Variants in MLLT3 observed in about 807,000 individuals in gnomAD.
MLLT3 encodes MLLT3 super elongation complex subunit, also known as protein AF-9.
MLLT3 carries 4 observed loss-of-function variants against 53.2 expected under a neutral mutation model. The observed-to-expected ratio is 0.08, with a 90% confidence interval of 0.04 to 0.17. The LOEUF is 0.17. MLLT3 is among the 10% of genes least tolerant of loss of function. The pLI, the probability that MLLT3 is intolerant of heterozygous loss-of-function variation, is 1.00. For synonymous variants in MLLT3, 283 were observed against 230.6 expected, an observed-to-expected ratio of 1.23 and a Z score of -2.06; for missense variants, 569 against 684.0, an observed-to-expected ratio of 0.83 and a Z score of 1.87.
chr9:20,600,156 CACTT>C, intron 2 of MLLT3, among the ~76,000 whole-genome samples: 1 of 113,072 alleles, frequency 8.8e-6, no homozygotes, highest in Non-Finnish European at 1.9e-5. Flanking sequence ...AAAAAAAAAA[CACTT>C]AGTTCAAATT....
chr9:20,449,717 A>G (rs1277607199), intron 3 of MLLT3, among the ~76,000 whole-genome samples: 1 of 152,054 alleles, frequency 6.6e-6, no homozygotes, highest in African/African-American at 2.4e-5. Context: ...ATCTCCACTC[A>G]TTTCCTCAGT....
At chr9:20,346,956 G>A (rs945627925) in intron 10 of MLLT3, among the ~76,000 whole-genome samples, 6 of 149,670 alleles carry the variant, frequency 4.0e-5, no homozygotes, top group African/African-American at 9.8e-5. Flanking sequence ...AAATCCAGCC[G>A]AGAAATAACA....
In MLLT3 at chr9:20,414,360, G is replaced by A. The variant is rs765904129; in HGVS notation, c.486C>T (p.Ser162=). 1.2e-6 allele frequency: 2 copies of A among 1,604,450 alleles called. No homozygotes were observed. The highest frequency in any genetic ancestry group is 1.1e-5 in the South Asian group (1 of 90,576). ...TGCTGCTGCTACTGCTGCTGCTGCTGCTGCTGCTGCTGCTGCTACTGCTGC... is the reference window on the plus strand; with the variant it reads ...TGCTGCTGCTACTGCTGCTGCTGCTACTGCTGCTGCTGCTGCTACTGCTGC... ...SSSSSSSSSS[S]SSSSSSSSSS... Residue 162 remains serine, a synonymous_variant, in exon 5 of 11, where the codon AGC becomes AGT. Transcript: ENST00000380338.
At chr9:20,375,441 A>G (rs1235165353) in intron 5 of MLLT3, among the ~76,000 whole-genome samples, 1 of 152,156 alleles carries the variant, frequency 6.6e-6, no homozygotes, top group Admixed American at 6.5e-5. Flanking sequence ...TTTGTCCCCA[A>G]GGTACATCTT....
intron 2 of MLLT3, among the ~76,000 whole-genome samples, chr9:20,480,345 C>T (rs968971769): frequency 1.3e-5 from 2 of 152,138 alleles, no homozygotes; most frequent in Non-Finnish European, 2.9e-5. Flanking sequence ...TCATGGGCCC[C>T]AAGGCTTCCA....
chr9:20,604,473 T>C (rs945766039), intron 2 of MLLT3, among the ~76,000 whole-genome samples: 5 of 152,064 alleles, frequency 3.3e-5, no homozygotes, highest in African/African-American at 9.7e-5. Context: ...AGCAAAAATG[T>C]TGAGATTTGT....
intron 2 of MLLT3, among the ~76,000 whole-genome samples, chr9:20,510,608 T>A (rs1825510002): frequency 1.6e-5 from 1 of 61,710 alleles, no homozygotes; most frequent in Non-Finnish European, 2.9e-5. Flanking sequence ...CAAGACTCCA[T>A]CTCAGAAAAA....
intron 7 of MLLT3, among the ~76,000 whole-genome samples, chr9:20,362,449 TCC>T (rs773040032): frequency 4.9e-4 from 75 of 152,322 alleles, no homozygotes; most frequent in Non-Finnish European, 9.7e-4. Context: ...CCTATCAGTT[TCC>T]TTTTTATCAG....
chr9:20,422,213 C>T (rs1473739404), intron 4 of MLLT3, among the ~76,000 whole-genome samples: 1 of 152,132 alleles, frequency 6.6e-6, no homozygotes, highest in African/African-American at 2.4e-5. Flanking sequence ...AATATTTATA[C>T]ACACTCAAGA....
intron 2 of MLLT3, among the ~76,000 whole-genome samples, chr9:20,481,233 G>C (rs1000167413): frequency 4.6e-5 from 7 of 152,102 alleles, no homozygotes; most frequent in African/African-American, 1.7e-4. Flanking sequence ...TCCTAATGAT[G>C]GACTCACATA....
intron 5 of MLLT3, among the ~76,000 whole-genome samples, chr9:20,387,804 A>G (rs1428668069): frequency 6.6e-6 from 1 of 152,244 alleles, no homozygotes; most frequent in Non-Finnish European, 1.5e-5. Context: ...TTCTCAAGCC[A>G]CCACAGGAAG....
intron 5 of MLLT3, among the ~76,000 whole-genome samples, chr9:20,369,528 G>C (rs943538383): frequency 2.0e-5 from 3 of 152,138 alleles, no homozygotes; most frequent in African/African-American, 7.2e-5. Flanking sequence ...TTGTGGGGGA[G>C]ACACCTTAAA....
chr9:20,484,897 TAAG>T (rs1415440324), intron 2 of MLLT3, among the ~76,000 whole-genome samples: 6 of 152,188 alleles, frequency 3.9e-5, no homozygotes, highest in African/African-American at 1.4e-4. Flanking sequence ...TTTCAAAAGA[TAAG>T]GAGTATGTAT....
chr9:20,511,367 T>C (rs559553216), intron 2 of MLLT3, among the ~76,000 whole-genome samples: 71 of 152,226 alleles, frequency 4.7e-4, no homozygotes, highest in South Asian at 8.3e-4. Context: ...TAATAAAAAA[T>C]TGCAATTGCA....
chr9:20,486,558 A>C (rs958027809), intron 2 of MLLT3, among the ~76,000 whole-genome samples: 8 of 152,210 alleles, frequency 5.3e-5, no homozygotes, highest in African/African-American at 1.7e-4. Flanking sequence ...AGCAGCTAGT[A>C]ATACATGAAA....
intron 2 of MLLT3, among the ~76,000 whole-genome samples, chr9:20,616,779 C>T (rs555330013): frequency 9.2e-5 from 14 of 152,188 alleles, no homozygotes; most frequent in African/African-American, 2.9e-4. Context: ...CAGTTGAGGG[C>T]CCCTATATGG....
chr9:20,440,438 A>G (rs1483464769), intron 4 of MLLT3, among the ~76,000 whole-genome samples: 1 of 152,186 alleles, frequency 6.6e-6, no homozygotes, highest in Non-Finnish European at 1.5e-5. Context: ...AACTCATGGA[A>G]CAAGAAAACA....
At chr9:20,351,698 C>T (rs945465039) in intron 10 of MLLT3, among the ~76,000 whole-genome samples, 1 of 152,136 alleles carries the variant, frequency 6.6e-6, no homozygotes, top group African/African-American at 2.4e-5. Context: ...CCTGGGCCCA[C>T]CAGAAATTCT....
intron 2 of MLLT3, among the ~76,000 whole-genome samples, chr9:20,535,451 A>G (rs1388583593): frequency 6.6e-6 from 1 of 152,174 alleles, no homozygotes; most frequent in Non-Finnish European, 1.5e-5. Flanking sequence ...CTACCCCAGA[A>G]AGCCCTGGTG....
Sources: allele counts gnomAD v4.1 joint callset (sites outside exome capture counted in the v4.1 genomes callset), GRCh38; gene constraint gnomAD v4.1.1; transcripts MANE v1.5; gene names NCBI Gene and HGNC (gene_info 2026-07-23, HGNC 2026-07-21).